ENTREP2: variants seen among roughly 807,000 people sequenced by gnomAD.
The protein encoded by ENTREP2 is protein ENTREP2.
the ENTREP2 span, among the ~76,000 whole-genome samples, chr15:29,528,699 A>G: frequency 6.7e-6 from 1 of 149,302 alleles, no homozygotes; most frequent in African/African-American, 2.6e-5. Flanking sequence ...TAGTAGGATT[A>G]GCTCCACCAT....
At chr15:29,209,140 A>C in the ENTREP2 span, among the ~76,000 whole-genome samples, 2 of 152,170 alleles carry the variant, frequency 1.3e-5, no homozygotes, top group Non-Finnish European at 2.9e-5. Flanking sequence ...TACTAGGTTC[A>C]GTACTTACAA....
chr15:29,524,879 A>G, the ENTREP2 span, among the ~76,000 whole-genome samples: 20 of 152,206 alleles, frequency 1.3e-4, no homozygotes, highest in Non-Finnish European at 2.8e-4. Context: ...AAGGGAGGGG[A>G]CCCAAAGGGG....
chr15:29,517,858 G>C, the ENTREP2 span, among the ~76,000 whole-genome samples: 1 of 152,096 alleles, frequency 6.6e-6, no homozygotes, highest in Admixed American at 6.5e-5. Context: ...TGATGTTTTT[G>C]TATTCACCTT....
the ENTREP2 span, among the ~76,000 whole-genome samples, chr15:29,145,622 CA>C: frequency 8.1e-3 from 471 of 58,240 alleles, 2 homozygotes; most frequent in African/African-American, 0.032. Flanking sequence ...GACTCCATCT[CA>C]AAAAAAAAAA....
the ENTREP2 span, among the ~76,000 whole-genome samples, chr15:29,425,758 A>G: frequency 1.7e-4 from 26 of 152,178 alleles, no homozygotes; most frequent in South Asian, 1.0e-3. Context: ...TTTTAAATCT[A>G]TGTTTGAAAT....
At chr15:29,129,860 C>T in the ENTREP2 span, among the ~76,000 whole-genome samples, 2 of 152,160 alleles carry the variant, frequency 1.3e-5, no homozygotes, top group African/African-American at 2.4e-5. Context: ...CCCCCATGCA[C>T]CCCATGCTAC....
the ENTREP2 span, among the ~76,000 whole-genome samples, chr15:29,502,192 A>G: frequency 6.6e-6 from 1 of 151,958 alleles, no homozygotes; most frequent in African/African-American, 2.4e-5. Context: ...GAACAAAGTG[A>G]GAGGAATCAC....
the ENTREP2 span, among the ~76,000 whole-genome samples, chr15:29,475,434 A>G: frequency 1.3e-5 from 2 of 152,098 alleles, no homozygotes; most frequent in East Asian, 3.9e-4. Flanking sequence ...CAGGGTCCCA[A>G]CCTCAGAGCA....
the ENTREP2 span, among the ~76,000 whole-genome samples, chr15:29,490,194 G>A: frequency 2.0e-5 from 3 of 152,160 alleles, no homozygotes; most frequent in Admixed American, 6.5e-5. Context: ...ATCTGGAGTC[G>A]TTAGTTCCTT....
At chr15:29,387,828 C>A in the ENTREP2 span, among the ~76,000 whole-genome samples, 13 of 152,240 alleles carry the variant, frequency 8.5e-5, no homozygotes, top group East Asian at 1.4e-3. Flanking sequence ...CATCTACAAC[C>A]ATCTGATCTT....
At chr15:29,181,354 T>C in the ENTREP2 span, among the ~76,000 whole-genome samples, 4 of 152,188 alleles carry the variant, frequency 2.6e-5, no homozygotes, top group African/African-American at 9.7e-5. Flanking sequence ...AGTTTAATCT[T>C]CTGCAAACTT....
the ENTREP2 span, among the ~76,000 whole-genome samples, chr15:29,641,626 G>A: frequency 1.3e-5 from 2 of 152,068 alleles, no homozygotes; most frequent in Admixed American, 1.3e-4. Context: ...GAGGTCAGGA[G>A]TTCCACATCA....
At chr15:29,293,093 T>C in the ENTREP2 span, among the ~76,000 whole-genome samples, 14 of 152,276 alleles carry the variant, frequency 9.2e-5, no homozygotes, top group Admixed American at 8.5e-4. Flanking sequence ...CATCCACTGC[T>C]TAACATGATG....
chr15:29,525,000 T>C, the ENTREP2 span, among the ~76,000 whole-genome samples: 1 of 152,232 alleles, frequency 6.6e-6, no homozygotes, highest in East Asian at 1.9e-4. Flanking sequence ...TGCTTTAGCC[T>C]AGTTTGTATT....
At chr15:29,643,317 G>A in the ENTREP2 span, among the ~76,000 whole-genome samples, 4 of 152,098 alleles carry the variant, frequency 2.6e-5, 1 homozygote, top group East Asian at 7.7e-4. Context: ...GTGGACAAAG[G>A]ATTAGAATAG....
the ENTREP2 span, among the ~76,000 whole-genome samples, chr15:29,119,523 G>A: frequency 1.4e-3 from 46 of 31,768 alleles, 11 homozygotes; most frequent in African/African-American, 2.8e-3. Flanking sequence ...TGGGTGCAGC[G>A]CACCAGCATG....
the ENTREP2 span, among the ~76,000 whole-genome samples, chr15:29,634,148 A>G: frequency 6.6e-6 from 1 of 152,102 alleles, no homozygotes; most frequent in East Asian, 1.9e-4. Flanking sequence ...CATGTGCACC[A>G]GATGCCAAGT....
At chr15:29,434,458 C>A in the ENTREP2 span, among the ~76,000 whole-genome samples, 2 of 152,262 alleles carry the variant, frequency 1.3e-5, no homozygotes, top group African/African-American at 2.4e-5. Flanking sequence ...ATCCCTTCAC[C>A]TGTTCAGTGT....
the ENTREP2 span, among the ~76,000 whole-genome samples, chr15:29,570,967 CGCGCT>C: frequency 8.2e-4 from 119 of 145,008 alleles, no homozygotes; most frequent in Middle Eastern, 0.019. Flanking sequence ...CCGGCCGCGC[CGCGCT>C]GCGCCCTCCC....
Sources: gnomAD v4.1 joint callset for allele counts (sites outside exome capture counted in the v4.1 genomes callset) on GRCh38, gnomAD v4.1.1 for gene constraint, MANE v1.5 for transcripts, NCBI Gene and HGNC (gene_info 2026-07-23, HGNC 2026-07-21) for gene names.